Variants in CDH12 observed in about 807,000 individuals in gnomAD.
The protein encoded by CDH12 is cadherin 12, also known as cadherin-12.
Under a neutral mutation model 74.1 loss-of-function variants are expected in CDH12, and 41 were observed. The ratio of observed to expected loss-of-function variants is 0.55; its 90% CI spans 0.43 to 0.72. The LOEUF (loss-of-function observed/expected upper bound fraction) is 0.72, where lower values mean the gene tolerates loss of function less well. CDH12 is among the 30% of genes least tolerant of loss of function. The pLI, the probability that CDH12 is intolerant of heterozygous loss-of-function variation, is 0.00. For synonymous variants in CDH12, 399 were observed against 355.0 expected (o/e 1.12, Z -1.39); for missense variants, 945 against 977.2 (o/e 0.97, Z 0.44).
chr5:21,754,988 T>C (rs1053301090), intron 14 of CDH12, among the ~76,000 whole-genome samples: 5 of 152,216 alleles, frequency 3.3e-5, no homozygotes, highest in Non-Finnish European at 7.3e-5. Context: ...TTTTAGTCTG[T>C]TCTGTTCTAG....
At chr5:22,615,160 T>G (rs537269751) in intron 1 of CDH12, among the ~76,000 whole-genome samples, 9 of 152,210 alleles carry the variant, frequency 5.9e-5, no homozygotes, top group African/African-American at 1.7e-4. Context: ...TTCATTTAGA[T>G]AAGATGTAAA....
intron 4 of CDH12, among the ~76,000 whole-genome samples, chr5:22,206,940 G>A (rs1008996566): frequency 2.0e-5 from 3 of 150,782 alleles, no homozygotes; most frequent in Non-Finnish European, 3.0e-5. Context: ...ACGGTCCGGC[G>A]TATTGGCTCA....
intron 2 of CDH12, among the ~76,000 whole-genome samples, chr5:22,441,117 T>C (rs536674375): frequency 1.2e-3 from 177 of 152,292 alleles, no homozygotes; most frequent in Non-Finnish European, 1.7e-3. Flanking sequence ...TGTGATTGAT[T>C]TGACAATATC....
intron 5 of CDH12, among the ~76,000 whole-genome samples, chr5:22,073,375 A>G (rs1742088028): frequency 6.6e-6 from 1 of 152,152 alleles, no homozygotes; most frequent in Non-Finnish European, 1.5e-5. Context: ...CCTAACTTGG[A>G]GGCTATGAAA....
intron 6 of CDH12, among the ~76,000 whole-genome samples, chr5:21,893,049 C>T (rs1204287469): frequency 6.6e-6 from 1 of 152,072 alleles, no homozygotes; most frequent in African/African-American, 2.4e-5. Flanking sequence ...CCTTTTCATA[C>T]CCTTTATCTT....
At chr5:22,732,634 A>T (rs1744491299) in intron 1 of CDH12, among the ~76,000 whole-genome samples, 2 of 152,002 alleles carry the variant, frequency 1.3e-5, no homozygotes, top group Admixed American at 6.6e-5. Flanking sequence ...TCCTATAAAT[A>T]ATAATGAATA....
chr5:21,945,627 A>G (rs1755544402), intron 6 of CDH12, among the ~76,000 whole-genome samples: 2 of 151,922 alleles, frequency 1.3e-5, no homozygotes, highest in South Asian at 4.1e-4. Context: ...ATTAAAATAC[A>G]ATAATGGAAA....
chr5:22,371,618 T>TAG (rs1741296279), intron 3 of CDH12, among the ~76,000 whole-genome samples: 2 of 152,166 alleles, frequency 1.3e-5, no homozygotes, highest in Admixed American at 1.3e-4. Flanking sequence ...GAACAGGGCT[T>TAG]TTTATTAGTA....
intron 1 of CDH12, among the ~76,000 whole-genome samples, chr5:22,819,654 T>A (rs1192428177): frequency 6.6e-6 from 1 of 151,634 alleles, no homozygotes; most frequent in East Asian, 1.9e-4. Context: ...AGAAAATAAA[T>A]GACCATAAGT....
At chr5:21,908,111 T>C (rs1258945276) in intron 6 of CDH12, among the ~76,000 whole-genome samples, 2 of 152,206 alleles carry the variant, frequency 1.3e-5, no homozygotes, top group African/African-American at 4.8e-5. Flanking sequence ...TCTGCAAAGC[T>C]AAGAGGCTTC....
chr5:22,000,505 T>C lies in CDH12; in HGVS notation c.232-25120A>G, dbSNP rs963394285. 9.9e-5 allele frequency among the ~76,000 whole-genome samples: 15 copies of C among 152,194 alleles called. No individual in the cohort carries two copies. In the East Asian group the frequency reaches 1.2e-3, roughly 12 times the overall value. On this transcript the variant is annotated intron_variant, in intron 5 of 14. Coordinates refer to ENST00000382254, the MANE Select transcript of CDH12 (RefSeq NM_004061.5). ...CACTTTATCTAGTTAATTCAACAAA[T>C]AAGCAAGGGGTGGGACTCAACCTCT...
At chr5:21,942,282 T>G (rs566210769) in intron 6 of CDH12, among the ~76,000 whole-genome samples, 1 of 151,204 alleles carries the variant, frequency 6.6e-6, no homozygotes, top group Non-Finnish European at 1.5e-5. Flanking sequence ...TTGTGGTGTT[T>G]TAATCCACTA....
At chr5:22,668,399 C>T (rs1435050781) in intron 1 of CDH12, among the ~76,000 whole-genome samples, 1 of 152,044 alleles carries the variant, frequency 6.6e-6, no homozygotes, top group Non-Finnish European at 1.5e-5. Flanking sequence ...GTTATGTGGT[C>T]ATAATGTGTT....
At chr5:21,860,119 C>G (rs1028632344) in intron 6 of CDH12, among the ~76,000 whole-genome samples, 3 of 151,938 alleles carry the variant, frequency 2.0e-5, no homozygotes, top group African/African-American at 7.2e-5. Context: ...CCACGTGACT[C>G]GTTGCAGAAA....
chr5:22,785,157 T>C (rs1747561437), intron 1 of CDH12, among the ~76,000 whole-genome samples: 1 of 152,174 alleles, frequency 6.6e-6, no homozygotes, highest in Non-Finnish European at 1.5e-5. Context: ...CCTTTCCTGA[T>C]GCTCGCCCAC....
intron 3 of CDH12, among the ~76,000 whole-genome samples, chr5:22,319,365 C>A (rs570391582): frequency 1.4e-4 from 22 of 152,226 alleles, no homozygotes; most frequent in African/African-American, 4.3e-4. Flanking sequence ...CAGAACTCAG[C>A]AAATACTTCA....
chr5:22,358,573 G>C (rs1437371453), intron 3 of CDH12, among the ~76,000 whole-genome samples: 1 of 152,108 alleles, frequency 6.6e-6, no homozygotes, highest in African/African-American at 2.4e-5. Context: ...ATATATAATT[G>C]GGCCTAAAAT....
At chr5:22,362,129 C>G (rs1028493228) in intron 3 of CDH12, among the ~76,000 whole-genome samples, 4 of 152,136 alleles carry the variant, frequency 2.6e-5, no homozygotes, top group Non-Finnish European at 5.9e-5. Context: ...AAACAACCGT[C>G]AGAGTGAATA....
intron 3 of CDH12, among the ~76,000 whole-genome samples, chr5:22,221,928 T>C (rs896196582): frequency 2.6e-5 from 4 of 151,958 alleles, no homozygotes; most frequent in Non-Finnish European, 5.9e-5. Context: ...GTCTTTTTAC[T>C]TTAATTGTTA....
Sources: allele counts gnomAD v4.1 joint callset (sites outside exome capture counted in the v4.1 genomes callset), GRCh38; gene constraint gnomAD v4.1.1; transcripts MANE v1.5; gene names NCBI Gene and HGNC (gene_info 2026-07-23, HGNC 2026-07-21).